Variants in CA5B observed in about 807,000 individuals in gnomAD.
The protein encoded by CA5B is carbonic anhydrase 5B, also known as carbonic anhydrase 5B, mitochondrial.
A neutral mutation model predicts 23.1 loss-of-function variants in CA5B; 15 were observed. The ratio of observed to expected loss-of-function variants is 0.65; its 90% CI spans 0.43 to 1.00. CA5B has a LOEUF of 1.00. Among genes scored for constraint, CA5B ranks in the 50% least tolerant of loss-of-function variants. CA5B has a pLI of 0.00. For missense variants in CA5B, 236 were observed against 252.2 expected, an observed-to-expected ratio of 0.94 and a Z score of 0.43; for synonymous variants, 84 against 98.5, an observed-to-expected ratio of 0.85 and a Z score of 0.87.
intron 3 of CA5B, among the ~76,000 whole-genome samples, chrX:15,770,367 GTATA>G (rs1215244388): frequency 8.9e-6 from 1 of 111,761 alleles, no homozygotes; most frequent in Admixed American, 9.5e-5. Context: ...AAATACATAA[GTATA>G]TATTTATTTG....
At chrX:15,772,294 A>G (rs1931834979) in intron 3 of CA5B, among the ~76,000 whole-genome samples, 1 of 112,639 alleles carries the variant, frequency 8.9e-6, no homozygotes. Context: ...CTTGTTATGT[A>G]GTTAAATCTT....
intron 1 of CA5B, among the ~76,000 whole-genome samples, chrX:15,738,677 CT>C (rs1403665879): frequency 9.0e-6 from 1 of 111,422 alleles, no homozygotes; most frequent in Non-Finnish European, 1.9e-5. Context: ...AGAGCAGTTC[CT>C]TGGTAGGTAG....
At chrX:15,769,777 AC>A (rs1931783863) in intron 3 of CA5B, among the ~76,000 whole-genome samples, 1 of 111,012 alleles carries the variant, frequency 9.0e-6, no homozygotes, top group Non-Finnish European at 1.9e-5. Flanking sequence ...CATTTCCATC[AC>A]CCCAGAAGCA....
At chrX:15,748,708 A>AACCCCCCC (rs1931288758) in intron 1 of CA5B, among the ~76,000 whole-genome samples, 2 of 58,291 alleles carry the variant, frequency 3.4e-5, no homozygotes, top group Admixed American at 2.3e-4. Context: ...TATAGTGAGA[A>AACCCCCCC]CCCCCCCCCC....
intron 6 of CA5B, chrX:15,775,813 T>TC: frequency 1.4e-6 from 1 of 735,998 alleles, no homozygotes; most frequent in African/African-American, 2.3e-5. Context: ...CTCCCTCTCA[T>TC]CCCCCACTGT....
chrX:15,752,532 T>C (rs769046807), intron 2 of CA5B, among the ~76,000 whole-genome samples: 25 of 97,096 alleles, frequency 2.6e-4, no homozygotes, highest in African/African-American at 8.8e-4. Context: ...AAGACTATCC[T>C]GGCTAACACG....
At chrX:15,773,402 ATTTTTTTTTTTTT>A (rs59351244) in intron 4 of CA5B, among the ~76,000 whole-genome samples, 1 of 30,512 alleles carries the variant, frequency 3.3e-5, no homozygotes, top group Admixed American at 5.3e-4. Context: ...TGCCCTGCTA[ATTTTTTTTTTTTT>A]TTTTTTTTTT....
chrX:15,764,400 G>A (rs944390220), intron 2 of CA5B, among the ~76,000 whole-genome samples, 178 bp from the exon 3 acceptor site: 3 of 110,540 alleles, frequency 2.7e-5, no homozygotes, highest in Admixed American at 1.9e-4. Context: ...CACCACGCCT[G>A]GATAATTTTT....
chrX:15,747,081 G>A (rs1023019726), intron 1 of CA5B, among the ~76,000 whole-genome samples: 2 of 111,689 alleles, frequency 1.8e-5, no homozygotes, highest in Admixed American at 1.9e-4. Context: ...TTTTGTTTCA[G>A]AGTCACACCA....
chrX:15,782,981 C>G lies in CA5B; in HGVS notation c.*317C>G. The G allele has an allele frequency of 4.8e-6, 1 of 209,169 alleles. No homozygotes were observed. The highest frequency in any genetic ancestry group is 8.7e-6 in the Non-Finnish European group (1 of 114,638). The allele number at this position is 209,169 out of a possible 1,213,427, so 17.2% of individuals were successfully genotyped here. A position where few individuals can be genotyped will look rare whatever the true frequency, so the allele number is the denominator to read the frequency against. On this transcript the variant is annotated 3_prime_UTR_variant, in exon 8 of 8. Transcript: ENST00000318636. ...GCAGCCTTGAACTCCTAGGCTCAAG[C>G]AGTCCTCCTGCCTTAGCCTCTAGAG...
chrX:15,764,902 C>G, intron 3 of CA5B, 127 bp downstream of exon 3: 1 of 1,067,686 alleles, frequency 9.4e-7, no homozygotes, highest in East Asian at 3.4e-5. Flanking sequence ...ACTCATTGAT[C>G]TTAACTTTTT....
chrX:15,755,627 G>T (rs1259492226), intron 2 of CA5B, among the ~76,000 whole-genome samples: 1 of 112,321 alleles, frequency 8.9e-6, no homozygotes, highest in Admixed American at 9.4e-5. Flanking sequence ...AATATGAGCC[G>T]TATGGGTCAT....
chrX:15,768,321 T>G (rs978932794), intron 3 of CA5B, among the ~76,000 whole-genome samples: 13 of 111,289 alleles, frequency 1.2e-4, no homozygotes, highest in African/African-American at 4.2e-4. Context: ...AGAATTCTTA[T>G]CTACCCATTT....
intron 2 of CA5B, among the ~76,000 whole-genome samples, chrX:15,763,929 G>A (rs915176546): frequency 8.9e-6 from 1 of 112,058 alleles, no homozygotes; most frequent in Non-Finnish European, 1.9e-5. Flanking sequence ...GCAGAAGAGT[G>A]TATCCAAGAT....
At chrX:15,769,456 T>A (rs1308765836) in intron 3 of CA5B, 2 of 751,911 alleles carry the variant, frequency 2.7e-6, no homozygotes, top group African/African-American at 2.3e-5. Flanking sequence ...TCAATTATCA[T>A]CTCCTCTGGA....
chrX:15,771,929 T>C (rs1931829045), intron 3 of CA5B, among the ~76,000 whole-genome samples: 2 of 111,259 alleles, frequency 1.8e-5, no homozygotes, highest in Non-Finnish European at 3.8e-5. Flanking sequence ...GTGCAATAGA[T>C]TATTATCAAC....
chrX:15,787,769 T>C lies in CA5B; in HGVS notation c.*5105T>C, dbSNP rs1330597934. The C allele has an allele frequency of 8.9e-6, 1 of 111,894 alleles. No individual in the cohort carries two copies. Among genetic ancestry groups the C allele is most frequent in the Non-Finnish European group, 1.9e-5 (1 of 53,185 alleles). 9.2% of individuals were successfully genotyped at this position (111,894 alleles called of 1,213,427 possible). On this transcript the variant is annotated 3_prime_UTR_variant, in exon 8 of 8. Transcript: ENST00000318636. Reference sequence around the variant, plus strand: ...GAGTTCGAGAACAGCCTGGCCAATATGGTGAAACCCCGTCTCTACTAAAAA... The same window carrying C: ...GAGTTCGAGAACAGCCTGGCCAATACGGTGAAACCCCGTCTCTACTAAAAA...
intron 1 of CA5B, among the ~76,000 whole-genome samples, chrX:15,739,305 C>A (rs917211243): frequency 8.9e-6 from 1 of 111,796 alleles, no homozygotes; most frequent in Non-Finnish European, 1.9e-5. Context: ...AGTATGGAGA[C>A]AAGTAGTGCT....
At chrX:15,767,160 A>C in intron 3 of CA5B, 1 of 689,805 alleles carries the variant, frequency 1.4e-6, no homozygotes, top group East Asian at 1.2e-4. Context: ...TGAATTCTCA[A>C]CCCCATCTAG....
Sources: allele counts gnomAD v4.1 joint callset (sites outside exome capture counted in the v4.1 genomes callset), GRCh38; gene constraint gnomAD v4.1.1; transcripts MANE v1.5; gene names NCBI Gene and HGNC (gene_info 2026-07-23, HGNC 2026-07-21).